The following PEX14 variants were observed in gnomAD, a reference collection of about 807,000 sequenced individuals.
The protein encoded by PEX14 is peroxisomal biogenesis factor 14, also known as peroxisomal membrane protein PEX14.
Under a neutral mutation model 49.5 loss-of-function variants are expected in PEX14, and 15 were observed. The ratio of observed to expected loss-of-function variants is 0.30; its 90% confidence interval spans 0.20 to 0.47. PEX14 has a LOEUF of 0.47. Among genes scored for constraint, PEX14 ranks in the 20% least tolerant of loss-of-function variants. The pLI is 1.00. For synonymous variants in PEX14, 210 were observed against 212.7 expected (o/e 0.99, Z 0.11); for missense variants, 398 against 494.8 (o/e 0.80, Z 1.86).
intron 3 of PEX14, among the ~76,000 whole-genome samples, chr1:10,579,548 A>C (rs147654343): frequency 6.6e-6 from 1 of 152,290 alleles, no homozygotes; most frequent in Non-Finnish European, 1.5e-5. Context: ...AAGGTTATTA[A>C]CAAAGTAAAG....
intron 1 of PEX14, among the ~76,000 whole-genome samples, chr1:10,480,677 T>A (rs1456280711): frequency 6.6e-6 from 1 of 152,094 alleles, no homozygotes; most frequent in African/African-American, 2.4e-5. Context: ...ATTACAGGTG[T>A]GAGCCTGGCA....
At chr1:10,482,552 G>A (rs143427354) in intron 1 of PEX14, among the ~76,000 whole-genome samples, 17,250 of 151,520 alleles carry the variant, frequency 0.11, 1,207 homozygotes, top group South Asian at 0.22. Flanking sequence ...TTCTGCCTCA[G>A]CCTCCCAAGT....
chr1:10,480,857 CTCTATA>C (rs1357016735), intron 1 of PEX14, among the ~76,000 whole-genome samples: 11 of 139,476 alleles, frequency 7.9e-5, no homozygotes, highest in Non-Finnish European at 1.3e-4. Context: ...CTCTCTCTCT[CTCTATA>C]TATATATTTT....
chr1:10,603,944 C>G lies in PEX14; in HGVS notation c.298+4578C>G, dbSNP rs933618810. Among the ~76,000 whole-genome samples the G allele has an allele frequency of 2.0e-5, 3 of 152,186 alleles. No individual in the cohort carries two copies. In the South Asian group the frequency reaches 6.2e-4, roughly 32 times the overall value. ...GGTTTTGAACCATTTGATTAGAAAT[C>G]CTGAGAGAGAGTGAGTTATTCCTCT... On this transcript the variant is annotated intron_variant, in intron 4 of 8. Coordinates refer to ENST00000356607, the MANE Select transcript of PEX14 (RefSeq NM_004565.3).
At chr1:10,486,707 A>G (rs1570135932) in intron 1 of PEX14, among the ~76,000 whole-genome samples, 2 of 102,098 alleles carry the variant, frequency 2.0e-5, no homozygotes, top group Non-Finnish European at 4.0e-5. Flanking sequence ...TTTTTTTTTG[A>G]GACAGACTCT....
intron 2 of PEX14, among the ~76,000 whole-genome samples, chr1:10,498,540 G>A (rs1285803851): frequency 6.6e-6 from 1 of 152,188 alleles, no homozygotes; most frequent in African/African-American, 2.4e-5. Flanking sequence ...ACACATTCGT[G>A]TTTGTAGCCA....
At chr1:10,528,652 G>A (rs1638559491) in intron 2 of PEX14, among the ~76,000 whole-genome samples, 1 of 152,144 alleles carries the variant, frequency 6.6e-6, no homozygotes, top group Non-Finnish European at 1.5e-5. Context: ...TAACAGTGCA[G>A]GGAAATTAGA....
chr1:10,478,316 T>C (rs960841363), intron 1 of PEX14, among the ~76,000 whole-genome samples: 14 of 152,160 alleles, frequency 9.2e-5, no homozygotes, highest in African/African-American at 3.1e-4. Context: ...TTTCTTCAAG[T>C]TCTATTACGA....
intron 2 of PEX14, among the ~76,000 whole-genome samples, chr1:10,523,340 G>C (rs1638362137): frequency 6.6e-6 from 1 of 152,084 alleles, no homozygotes; most frequent in African/African-American, 2.4e-5. Flanking sequence ...GATTTCTTCT[G>C]CTATTCCCTG....
intron 4 of PEX14, among the ~76,000 whole-genome samples, chr1:10,606,432 G>A (rs1008307989): frequency 6.6e-6 from 1 of 152,212 alleles, no homozygotes; most frequent in Admixed American, 6.5e-5. Context: ...TTGCCTGCGA[G>A]TGAGGCTGAG....
intron 4 of PEX14, among the ~76,000 whole-genome samples, chr1:10,609,314 C>G (rs1432917513): frequency 6.6e-6 from 1 of 152,134 alleles, no homozygotes; most frequent in Non-Finnish European, 1.5e-5. Flanking sequence ...TTTTATGTTT[C>G]TGGATCCTTC....
chr1:10,510,523 A>G (rs1641863632), intron 2 of PEX14, among the ~76,000 whole-genome samples: 1 of 152,214 alleles, frequency 6.6e-6, no homozygotes, highest in African/African-American at 2.4e-5. Flanking sequence ...CTAGGCTGCC[A>G]GGCACTTATG....
intron 3 of PEX14, among the ~76,000 whole-genome samples, chr1:10,585,101 C>T (rs528151449): frequency 6.6e-6 from 1 of 152,242 alleles, no homozygotes; most frequent in East Asian, 1.9e-4. Context: ...AGTCTCAGGA[C>T]CCCTTTCACC....
intron 1 of PEX14, among the ~76,000 whole-genome samples, chr1:10,492,902 A>G (rs1250823250): frequency 6.6e-6 from 1 of 152,218 alleles, no homozygotes; most frequent in East Asian, 1.9e-4. Context: ...ACATCTGCTC[A>G]GGTCCTTGAA....
Position 10,624,455 on chromosome 1 carries a change from A to C in PEX14, c.585+18A>C, listed in dbSNP as rs532665793. 1.4e-5 allele frequency: 22 copies of C among 1,546,734 alleles called. No homozygotes were observed. In the South Asian group the frequency reaches 2.3e-4, roughly 16 times the overall value. ...CTGCCAAGGTACCTGTCTCTGCTGC[A>C]CAGGGCCCTCCAGGCCCAGGTCTGT... is the stretch of plus-strand genomic sequence containing the variant. On this transcript the variant is annotated intron_variant, in intron 7 of 8. Transcript: ENST00000356607.
intron 3 of PEX14, among the ~76,000 whole-genome samples, chr1:10,585,641 C>T (rs1640459074): frequency 6.6e-6 from 1 of 152,202 alleles, no homozygotes; most frequent in African/African-American, 2.4e-5. Context: ...ATCAGAAGGC[C>T]AGGCGTGGTG....
chr1:10,618,497 A>C (rs975967601), intron 5 of PEX14, 80 bp downstream of exon 5: 1 of 1,082,446 alleles, frequency 9.2e-7, no homozygotes, highest in African/African-American at 1.5e-5. Flanking sequence ...GTTCCCCTGC[A>C]TGGAGGCACT....
chr1:10,587,870 A>G (rs1031385957), intron 3 of PEX14, among the ~76,000 whole-genome samples: 1 of 146,264 alleles, frequency 6.8e-6, no homozygotes. Context: ...AAATATACGG[A>G]CACACATATG....
At chr1:10,501,834 C>T (rs1341541027) in intron 2 of PEX14, among the ~76,000 whole-genome samples, 4 of 152,094 alleles carry the variant, frequency 2.6e-5, no homozygotes, top group African/African-American at 7.2e-5. Flanking sequence ...TTACTTAAGC[C>T]TAGTGGGTTG....
Sources: gnomAD v4.1 joint callset for allele counts (sites outside exome capture counted in the v4.1 genomes callset) on GRCh38, gnomAD v4.1.1 for gene constraint, MANE v1.5 for transcripts, NCBI Gene and HGNC (gene_info 2026-07-23, HGNC 2026-07-21) for gene names.